Variants in AFF2 observed in about 807,000 individuals in gnomAD.
The protein encoded by AFF2 is ALF transcription elongation factor 2.
Under a neutral mutation model 76.9 loss-of-function variants are expected in AFF2, and 14 were observed. That is an observed-to-expected ratio of 0.18 (90% CI 0.12 to 0.28). The LOEUF (loss-of-function observed/expected upper bound fraction) is 0.28, where lower values mean the gene tolerates loss of function less well. Among genes scored for constraint, AFF2 ranks in the 10% least tolerant of loss-of-function variants. AFF2 has a pLI of 1.00. For missense variants in AFF2, 868 were observed against 1,001.1 expected (o/e 0.87, Z 1.79); for synonymous variants, 398 against 366.7 (o/e 1.09, Z -0.98).
intron 4 of AFF2, among the ~76,000 whole-genome samples, chrX:148,827,008 T>A (rs2063344968): frequency 9.0e-6 from 1 of 111,384 alleles, no homozygotes; most frequent in African/African-American, 3.3e-5. Context: ...TAGACTGACA[T>A]CTTGTGATAG....
At position 148,996,986 on chromosome X, in the gene AFF2, T is replaced by G. The variant is rs1268162125; in HGVS notation, c.*5654T>G. The G allele has an allele frequency of 8.9e-6, 1 of 112,369 alleles. No individual in the cohort carries two copies. Among genetic ancestry groups the G allele is most frequent in the Non-Finnish European group, 1.9e-5 (1 of 53,259 alleles). The allele number at this position is 112,369 out of a possible 1,213,427, so 9.3% of individuals were successfully genotyped here. A position where few individuals can be genotyped will look rare whatever the true frequency, so the allele number is the denominator to read the frequency against. On this transcript the variant is annotated 3_prime_UTR_variant, in exon 21 of 21. Coordinates refer to ENST00000370460, the MANE Select transcript of AFF2 (RefSeq NM_002025.4). Reference sequence around the variant, plus strand: ...ATAGCACAATCCAGAATTTACTGTGTTTTTCTTTTATGTGACGTGGAAACT... The same window carrying G: ...ATAGCACAATCCAGAATTTACTGTGGTTTTCTTTTATGTGACGTGGAAACT...
In AFF2 at chrX:148,956,192, C is replaced by G. The variant is rs782151497; in HGVS notation, c.2147C>G (p.Ser716Cys). ...KSREFIETDS[S>C]TSDSNTDQEE... ...CGGGAATTCATTGAAACAGATTCAT[C>G]TACATCTGACTCCAACACAGATCAG... Residue 716 changes from serine (S) to cysteine (C), a missense_variant, in exon 11 of 21, where the codon TCT becomes TGT. Ser to Cys is a moderately radical substitution (Grantham distance 112). This residue lies in a region of AFF2 where 532 missense variants were observed against 564.2 expected (regional missense o/e 0.94). Transcript: ENST00000370460. The G allele has an allele frequency of 1.1e-5, 13 of 1,211,210 alleles. 1 individual carries two copies. The highest frequency in any genetic ancestry group is 1.3e-5 in the Non-Finnish European group (12 of 895,374).
intron 7 of AFF2, among the ~76,000 whole-genome samples, chrX:148,857,485 A>G (rs782050601): frequency 8.9e-6 from 1 of 112,068 alleles, no homozygotes; most frequent in African/African-American, 3.2e-5. Context: ...TGAATGCAAC[A>G]TAAATTAACT....
intron 3 of AFF2, among the ~76,000 whole-genome samples, chrX:148,681,565 A>AGT (rs782274593): frequency 1.9e-3 from 124 of 64,058 alleles, no homozygotes; most frequent in African/African-American, 5.5e-3. Context: ...TGTGTGTGTC[A>AGT]GTGTGTGTGT....
intron 3 of AFF2, among the ~76,000 whole-genome samples, chrX:148,706,083 C>G (rs782622786): frequency 1.3e-4 from 15 of 111,787 alleles, no homozygotes; most frequent in African/African-American, 4.9e-4. Context: ...CTTCTTAAAC[C>G]CTTAACTTAT....
rs150403973 is a variant in AFF2 at position 148,865,895 on chromosome X, G to T, written c.1263-19994G>T. Among the ~76,000 whole-genome samples, 692 of 111,971 alleles carry T rather than the reference G, an allele frequency of 6.2e-3. 17 individuals are homozygous for T. The highest frequency in any genetic ancestry group is 0.06 in the Admixed American group (636 of 10,520). Reference sequence around the variant, plus strand: ...TCAGAACTTCACTTGAGTTTAAAATGAAGTTCCATTAGCAGGGACCAAAAT... The same window carrying T: ...TCAGAACTTCACTTGAGTTTAAAATTAAGTTCCATTAGCAGGGACCAAAAT... On this transcript the variant is annotated intron_variant, in intron 7 of 20. Coordinates refer to ENST00000370460, the MANE Select transcript of AFF2 (RefSeq NM_002025.4).
At chrX:148,711,619 C>A (rs1011414370) in intron 3 of AFF2, among the ~76,000 whole-genome samples, 12 of 112,232 alleles carry the variant, frequency 1.1e-4, no homozygotes, top group Admixed American at 1.9e-4. Context: ...AAAATTGAGG[C>A]ATCTCCTCAT....
chrX:148,845,227 A>T (rs936159051), intron 7 of AFF2, among the ~76,000 whole-genome samples: 2 of 111,830 alleles, frequency 1.8e-5, no homozygotes, highest in Non-Finnish European at 3.8e-5. Context: ...ATGTAAAATT[A>T]TCTTACTCCT....
chrX:148,599,931 C>T (rs782162655), intron 1 of AFF2, among the ~76,000 whole-genome samples: 7 of 111,761 alleles, frequency 6.3e-5, no homozygotes, highest in Admixed American at 9.5e-5. Context: ...ATGATTTCTG[C>T]TCCCCCATCC....
chrX:148,512,517 G>A (rs1273424421), intron 1 of AFF2, among the ~76,000 whole-genome samples: 3 of 112,160 alleles, frequency 2.7e-5, no homozygotes, highest in Non-Finnish European at 5.6e-5. Context: ...ATTTCAAAAG[G>A]CTTGAAAGTT....
chrX:148,954,576 A>G (rs1557286985), intron 10 of AFF2, among the ~76,000 whole-genome samples: 1 of 112,268 alleles, frequency 8.9e-6, no homozygotes. Context: ...AACCTTACAG[A>G]GTACTTATTA....
chrX:148,837,120 T>A (rs1361349387), intron 4 of AFF2, among the ~76,000 whole-genome samples: 1 of 111,305 alleles, frequency 9.0e-6, no homozygotes, highest in Non-Finnish European at 1.9e-5. Context: ...ATACCATGAG[T>A]TACAAGAGCC....
At chrX:148,932,897 A>G (rs1408156458) in intron 9 of AFF2, among the ~76,000 whole-genome samples, 2 of 112,677 alleles carry the variant, frequency 1.8e-5, no homozygotes, top group Non-Finnish European at 3.7e-5. Flanking sequence ...ACAGCAAAAA[A>G]CAAAACAGTC....
At chrX:148,750,686 G>T (rs1195780556) in intron 3 of AFF2, among the ~76,000 whole-genome samples, 1 of 111,412 alleles carries the variant, frequency 9.0e-6, no homozygotes, top group African/African-American at 3.3e-5. Context: ...TTGTAAACTG[G>T]GAATAATAAT....
intron 12 of AFF2, among the ~76,000 whole-genome samples, chrX:148,959,185 C>G (rs1569557702): frequency 9.0e-6 from 1 of 111,298 alleles, no homozygotes; most frequent in Non-Finnish European, 1.9e-5. Context: ...CCTCCTCACT[C>G]AAACAGCTTG....
At chrX:148,881,991 C>T (rs1358537607) in intron 7 of AFF2, among the ~76,000 whole-genome samples, 3 of 111,371 alleles carry the variant, frequency 2.7e-5, no homozygotes, top group Admixed American at 1.9e-4. Context: ...GTCTGTTTGG[C>T]TCTCGAGACC....
intron 4 of AFF2, among the ~76,000 whole-genome samples, chrX:148,834,181 A>T (rs1013392152): frequency 2.7e-5 from 3 of 112,652 alleles, no homozygotes; most frequent in African/African-American, 9.7e-5. Flanking sequence ...TCTATCACTT[A>T]TGAAATCCAT....
intron 7 of AFF2, among the ~76,000 whole-genome samples, chrX:148,872,870 C>A (rs1557277507): frequency 9.0e-6 from 1 of 111,407 alleles, no homozygotes; most frequent in African/African-American, 3.3e-5. Flanking sequence ...CCGTTATGAC[C>A]CAGTCACCTC....
chrX:148,507,412 A>T (rs1479103502), intron 1 of AFF2, among the ~76,000 whole-genome samples: 2 of 112,444 alleles, frequency 1.8e-5, no homozygotes, highest in African/African-American at 3.2e-5. Context: ...AAGGTACAGC[A>T]TTATAGGAAT....
Sources: gnomAD v4.1 joint callset for allele counts (sites outside exome capture counted in the v4.1 genomes callset) on GRCh38, gnomAD v4.1.1 for gene constraint, gnomAD v4.1.1 regional missense constraint, MANE v1.5 for transcripts, NCBI Gene and HGNC (gene_info 2026-07-23, HGNC 2026-07-21) for gene names.